PLCL1: variants seen among roughly 807,000 people sequenced by gnomAD.
The protein encoded by PLCL1 is phospholipase C like 1 (inactive).
Under a neutral mutation model 84.4 loss-of-function variants are expected in PLCL1, and 41 were observed. The ratio of observed to expected loss-of-function variants is 0.49; its 90% CI spans 0.38 to 0.63. The LOEUF (loss-of-function observed/expected upper bound fraction) is 0.63, where lower values mean the gene tolerates loss of function less well. Among genes scored for constraint, PLCL1 ranks in the 30% least tolerant of loss-of-function variants. The probability of loss-of-function intolerance (pLI) is 0.00; values close to 1 mark genes in which losing one functional copy is unlikely to be tolerated. For synonymous variants in PLCL1, 490 were observed against 488.3 expected (o/e 1.00, Z -0.05); for missense variants, 1,206 against 1,367.8 (o/e 0.88, Z 1.87).
intron 1 of PLCL1, among the ~76,000 whole-genome samples, chr2:198,006,522 G>A (rs1411937674): frequency 6.6e-6 from 1 of 152,070 alleles, no homozygotes; most frequent in Non-Finnish European, 1.5e-5. Flanking sequence ...TTTCCCCCAT[G>A]TTTTTAGTCA....
intron 1 of PLCL1, among the ~76,000 whole-genome samples, chr2:198,078,482 C>A (rs73984136): frequency 0.045 from 6,876 of 152,112 alleles, 507 homozygotes; most frequent in African/African-American, 0.16. Context: ...GAAAATCAAA[C>A]CTATGTGCCT....
In PLCL1 at chr2:197,883,032, A is replaced by G. The variant is rs148033066; in HGVS notation, c.240+77693A>G. Among the ~76,000 whole-genome samples, 12 of 152,298 alleles carry G rather than the reference A, an allele frequency of 7.9e-5. No individual in the cohort carries two copies. In the East Asian group the frequency reaches 2.3e-3, roughly 29 times the overall value. On this transcript the variant is annotated intron_variant, in intron 1 of 5. Coordinates refer to ENST00000428675, the MANE Select transcript of PLCL1 (RefSeq NM_006226.4). The stretch of plus-strand genomic sequence containing the variant: ...GGAATCAGAAGTCAGGATAATGGTT[A>G]ACTTGATGGGGGAGTAGGTGATGAC...
Position 198,091,703 on chromosome 2 carries a change from A to AATAAC in PLCL1, c.2919+2646_2919+2647insCATAA, listed in dbSNP as rs1693045218. Among the ~76,000 whole-genome samples the AATAAC allele has an allele frequency of 8.5e-5, 4 of 47,128 alleles. No homozygotes were observed. The South Asian group carries it at 1.8e-3, about 21-fold the overall frequency. 30.9% of individuals were successfully genotyped at this position (47,128 alleles called of 152,430 possible). ...TCAAATAAAAAATAAAATAAAATAAAATAAAATAAAATAAAATAAAATAAA... is the reference window on the plus strand; with the variant it reads ...TCAAATAAAAAATAAAATAAAATAAAATAACATAAAATAAAATAAAATAAAATAAA... On this transcript the variant is annotated intron_variant, in intron 3 of 5. Coordinates refer to ENST00000428675, the MANE Select transcript of PLCL1 (RefSeq NM_006226.4).
rs183665749 is a variant in PLCL1, at chr2:198,080,566, C to T, written c.241-3192C>T. 6.8e-4 allele frequency among the ~76,000 whole-genome samples: 103 copies of T among 152,342 alleles called. 3 individuals carry two copies. The South Asian group carries it at 0.013, about 20-fold the overall frequency. ...CCTGTCAGAGCCAATAGCATGGCTA[C>T]TGAAAGAACAGCGTGATTGCTCTCT... On this transcript the variant is annotated intron_variant, in intron 1 of 5. Coordinates refer to ENST00000428675, the MANE Select transcript of PLCL1 (RefSeq NM_006226.4).
intron 1 of PLCL1, among the ~76,000 whole-genome samples, chr2:197,977,530 G>A (rs1261371838): frequency 2.0e-5 from 3 of 152,194 alleles, no homozygotes; most frequent in African/African-American, 7.2e-5. Flanking sequence ...ATCTTATCAA[G>A]CCCCACCTAC....
At chr2:197,912,806 TGGGGGGA>T (rs71012999) in intron 1 of PLCL1, among the ~76,000 whole-genome samples, 1 of 14,014 alleles carries the variant, frequency 7.1e-5, no homozygotes, top group Non-Finnish European at 1.2e-4. Context: ...GGGTGGGGGG[TGGGGGGA>T]GGGGGGAGGG....
intron 5 of PLCL1, among the ~76,000 whole-genome samples, chr2:198,143,812 A>C (rs1476652908): frequency 6.6e-6 from 1 of 152,176 alleles, no homozygotes; most frequent in East Asian, 1.9e-4. Context: ...AAGAGAAAAC[A>C]GAAGTTTATA....
chr2:198,031,985 G>T (rs188925348), intron 1 of PLCL1, among the ~76,000 whole-genome samples: 4 of 152,098 alleles, frequency 2.6e-5, no homozygotes, highest in Non-Finnish European at 4.4e-5. Flanking sequence ...CATTTGTTGG[G>T]CATGTAGAAT....
At position 197,932,401 on chromosome 2, in the gene PLCL1, C is replaced by T. The variant is rs138517248; in HGVS notation, c.240+127062C>T. Reference sequence around the variant, plus strand: ...TTTAAGTTCTGGGACACGTGCAGGACGTGGAGGTTTGTTACATAAGTAAAC... The same window carrying T: ...TTTAAGTTCTGGGACACGTGCAGGATGTGGAGGTTTGTTACATAAGTAAAC... On this transcript the variant is annotated intron_variant, in intron 1 of 5. Coordinates refer to ENST00000428675, the MANE Select transcript of PLCL1 (RefSeq NM_006226.4). Among the ~76,000 whole-genome samples, 486 of 152,194 alleles carry T rather than the reference C, an allele frequency of 3.2e-3. 6 individuals are homozygous for T. The highest frequency in any genetic ancestry group is 0.011 in the African/African-American group (468 of 41,524).
intron 1 of PLCL1, among the ~76,000 whole-genome samples, chr2:198,010,497 T>C (rs1174996030): frequency 1.3e-5 from 2 of 152,060 alleles, no homozygotes; most frequent in African/African-American, 4.8e-5. Context: ...TATTCTTTCA[T>C]TTCATTTATA....
intron 1 of PLCL1, among the ~76,000 whole-genome samples, chr2:198,050,840 T>G (rs1450474200): frequency 1.3e-5 from 2 of 152,224 alleles, no homozygotes; most frequent in Non-Finnish European, 2.9e-5. Context: ...AAAGAACATC[T>G]GGCAACTATC....
chr2:197,841,216 C>T (rs1686994369), intron 1 of PLCL1, among the ~76,000 whole-genome samples: 1 of 151,808 alleles, frequency 6.6e-6, no homozygotes, highest in Non-Finnish European at 1.5e-5. Context: ...TTTTTTTCTT[C>T]ATGAACCCAT....
At chr2:197,927,925 T>C (rs958008644) in intron 1 of PLCL1, among the ~76,000 whole-genome samples, 10 of 152,172 alleles carry the variant, frequency 6.6e-5, no homozygotes, top group Non-Finnish European at 1.3e-4. Flanking sequence ...GGTGTAGTTT[T>C]CCCCTCTTTT....
At chr2:198,087,148 C>A (rs1383218605) in intron 2 of PLCL1, among the ~76,000 whole-genome samples, 1 of 152,160 alleles carries the variant, frequency 6.6e-6, no homozygotes, top group African/African-American at 2.4e-5. Context: ...TTGATCAAAT[C>A]TATCCCTGTG....
At chr2:197,923,687 CAG>C (rs1185578498) in intron 1 of PLCL1, among the ~76,000 whole-genome samples, 1 of 149,342 alleles carries the variant, frequency 6.7e-6, no homozygotes, top group African/African-American at 2.5e-5. Context: ...GGCAGCCAGG[CAG>C]AGAGGCTCCT....
chr2:198,090,093 C>T (rs930665701), intron 3 of PLCL1, among the ~76,000 whole-genome samples: 1 of 151,918 alleles, frequency 6.6e-6, no homozygotes, highest in South Asian at 2.1e-4. Flanking sequence ...TTATTCTAAG[C>T]CAGTAGAGAG....
At chr2:197,821,971 G>C (rs1690825960) in intron 1 of PLCL1, among the ~76,000 whole-genome samples, 1 of 152,130 alleles carries the variant, frequency 6.6e-6, no homozygotes, top group Non-Finnish European at 1.5e-5. Flanking sequence ...TAGGAAAATT[G>C]ACCAGAACAC....
intron 1 of PLCL1, among the ~76,000 whole-genome samples, chr2:198,052,538 AC>A (rs201196464): frequency 1.3e-3 from 194 of 151,876 alleles, no homozygotes; most frequent in African/African-American, 2.0e-3. Context: ...AAAAAAAAAA[AC>A]CATTACCTTA....
At chr2:197,808,606 A>G (rs1467407994) in intron 1 of PLCL1, among the ~76,000 whole-genome samples, 1 of 152,094 alleles carries the variant, frequency 6.6e-6, no homozygotes, top group Non-Finnish European at 1.5e-5. Flanking sequence ...GAGTTTTTTT[A>G]AATTTGGCAT....
Sources: gnomAD v4.1 joint callset for allele counts (sites outside exome capture counted in the v4.1 genomes callset) on GRCh38, gnomAD v4.1.1 for gene constraint, MANE v1.5 for transcripts, NCBI Gene and HGNC (gene_info 2026-07-23, HGNC 2026-07-21) for gene names.